Variants in SPOCK3 observed in about 807,000 individuals in gnomAD.
SPOCK3 encodes SPARC (osteonectin), cwcv and kazal like domains proteoglycan 3, also known as testican-3.
SPOCK3 carries 30 observed loss-of-function variants against 56.6 expected under a neutral mutation model. The observed-to-expected ratio is 0.53, with a 90% CI of 0.40 to 0.72. The LOEUF (loss-of-function observed/expected upper bound fraction) is 0.72. Among genes scored for constraint, SPOCK3 ranks in the 30% least tolerant of loss-of-function variants. The pLI, the probability that SPOCK3 is intolerant of heterozygous loss-of-function variation, is 0.00. For missense variants in SPOCK3, 527 were observed against 530.0 expected (o/e 0.99, Z 0.06); for synonymous variants, 196 against 183.3 (o/e 1.07, Z -0.56).
At chr4:167,233,292 T>A (rs1737373058) in intron 2 of SPOCK3, among the ~76,000 whole-genome samples, 1 of 152,220 alleles carries the variant, frequency 6.6e-6, no homozygotes, top group South Asian at 2.1e-4. Context: ...CAGGGGAGTC[T>A]ATGGTTTAAC....
At chr4:166,946,000 G>A (rs1741690235) in intron 4 of SPOCK3, among the ~76,000 whole-genome samples, 1 of 150,898 alleles carries the variant, frequency 6.6e-6, no homozygotes, top group Admixed American at 6.7e-5. Context: ...TGAGGTGTCT[G>A]CCCTAACCAC....
At chr4:167,234,766 C>G (rs933024043), upstream of SPOCK3, 1 of 156,860 alleles carries the variant, frequency 6.4e-6, no homozygotes, top group African/African-American at 2.4e-5. Flanking sequence ...GACGAGGTAG[C>G]TCCTAGCCTA....
At chr4:167,089,358 C>G (rs1418270555) in intron 2 of SPOCK3, among the ~76,000 whole-genome samples, 1 of 151,994 alleles carries the variant, frequency 6.6e-6, no homozygotes, top group Non-Finnish European at 1.5e-5. Context: ...TTCTATCTTA[C>G]TCTTTAAATT....
intron 2 of SPOCK3, among the ~76,000 whole-genome samples, chr4:167,149,091 A>G (rs1174052021): frequency 6.6e-6 from 1 of 152,160 alleles, no homozygotes; most frequent in Non-Finnish European, 1.5e-5. Flanking sequence ...AATTAAATCA[A>G]AAAGAACTCT....
At chr4:166,735,210 T>C in intron 10 of SPOCK3, 120 bp from the exon 11 acceptor site, 3 of 650,502 alleles carry the variant, frequency 4.6e-6, no homozygotes, top group South Asian at 4.5e-5. Context: ...TTCTATCTTA[T>C]TTATCAAAGA....
chr4:167,141,891 A>G lies in SPOCK3; in HGVS notation c.190-79354T>C, dbSNP rs533278275. Among the ~76,000 whole-genome samples the G allele has an allele frequency of 8.5e-5, 13 of 152,154 alleles. No homozygotes were observed. The East Asian group carries it at 2.5e-3, about 29-fold the overall frequency. The stretch of plus-strand genomic sequence containing the variant: ...GAAAACTCTAAGACAAAATATTGTA[A>G]TTAGAACAAAGAAAAAATCTAACTG... On this transcript the variant is annotated intron_variant, in intron 2 of 10. Coordinates refer to ENST00000357545, the MANE Select transcript of SPOCK3 (RefSeq NM_001040159.2).
At chr4:166,942,403 G>T (rs1214216122) in intron 4 of SPOCK3, among the ~76,000 whole-genome samples, 6 of 149,942 alleles carry the variant, frequency 4.0e-5, no homozygotes, top group Non-Finnish European at 7.4e-5. Flanking sequence ...TAGAGACGGG[G>T]TTTCATCGTG....
intron 2 of SPOCK3, among the ~76,000 whole-genome samples, chr4:167,155,284 TATTTTCTA>T (rs955351829): frequency 1.6e-4 from 24 of 151,938 alleles, no homozygotes; most frequent in Non-Finnish European, 2.8e-4. Flanking sequence ...GCCCAGCTAA[TATTTTCTA>T]TTTTTGTTAG....
At chr4:167,088,093 T>C (rs1481675429) in intron 2 of SPOCK3, among the ~76,000 whole-genome samples, 1 of 152,288 alleles carries the variant, frequency 6.6e-6, no homozygotes, top group East Asian at 1.9e-4. Flanking sequence ...GGCTCTTTTC[T>C]TAATTTTTCC....
intron 7 of SPOCK3, among the ~76,000 whole-genome samples, chr4:166,762,631 C>T (rs942027273): frequency 6.6e-6 from 1 of 151,996 alleles, no homozygotes; most frequent in African/African-American, 2.4e-5. Flanking sequence ...GAAGGAACTG[C>T]CCAGAGAAAC....
Position 166,734,960 on chromosome 4 carries a change from A to G in SPOCK3, c.1263T>C (p.Asp421=). Residue 421 remains aspartate (D), a synonymous_variant, in exon 11 of 11, where the codon GAT becomes GAC. Coordinates refer to ENST00000357545, the MANE Select transcript of SPOCK3 (RefSeq NM_001040159.2). ...EIEDDDEDEG[D]DDDGGDDHDV... ...CATGGTCATCACCACCATCATCATCATCCCCTTCATCTTCATCATCATCTT... is the reference window on the plus strand; with the variant it reads ...CATGGTCATCACCACCATCATCATCGTCCCCTTCATCTTCATCATCATCTT... The G allele has an allele frequency of 6.6e-7, 1 of 1,511,384 alleles. No individual in the cohort carries two copies. The highest frequency in any genetic ancestry group is 1.8e-4 in the Middle Eastern group (1 of 5,710). The allele number at this position is 1,511,384 out of a possible 1,614,324, so 93.6% of individuals were successfully genotyped here.
Position 167,217,651 on chromosome 4 carries a change from C to T in SPOCK3, c.189+16334G>A, listed in dbSNP as rs143795998. Among the ~76,000 whole-genome samples, 98 of 152,068 alleles carry T rather than the reference C, an allele frequency of 6.4e-4. 1 individual carries two copies. The East Asian group carries it at 0.017, about 27-fold the overall frequency. ...CCTAAAAAATATGCTACTGCAAATTCGTATAACATACAAAATTCTATTAAT... is the reference window on the plus strand; with the variant it reads ...CCTAAAAAATATGCTACTGCAAATTTGTATAACATACAAAATTCTATTAAT... On this transcript the variant is annotated intron_variant, in intron 2 of 10. Transcript: ENST00000357545.
intron 2 of SPOCK3, among the ~76,000 whole-genome samples, chr4:167,143,144 A>C (rs946787181): frequency 1.3e-5 from 2 of 152,054 alleles, no homozygotes; most frequent in African/African-American, 4.8e-5. Context: ...AACTGTGTGC[A>C]TACGCTACTC....
intron 2 of SPOCK3, among the ~76,000 whole-genome samples, chr4:167,065,391 G>T (rs1022509651): frequency 4.6e-5 from 7 of 151,830 alleles, no homozygotes; most frequent in Non-Finnish European, 1.0e-4. Flanking sequence ...TATTTAAAAA[G>T]AATATAATTT....
chr4:167,100,487 TCACACA>T (rs141060778), intron 2 of SPOCK3, among the ~76,000 whole-genome samples: 2 of 147,804 alleles, frequency 1.4e-5, no homozygotes, highest in South Asian at 2.1e-4. Flanking sequence ...TCTCTCTCTC[TCACACA>T]CACACACACA....
chr4:167,005,548 C>A (rs1749378870), intron 3 of SPOCK3, among the ~76,000 whole-genome samples: 2 of 151,522 alleles, frequency 1.3e-5, no homozygotes, highest in Admixed American at 6.6e-5. Context: ...CAACTTCTTG[C>A]CCATCGCCTT....
intron 4 of SPOCK3, among the ~76,000 whole-genome samples, chr4:166,950,483 A>G (rs1469469162): frequency 1.3e-5 from 2 of 151,764 alleles, no homozygotes; most frequent in Non-Finnish European, 2.9e-5. Context: ...CACATTAATA[A>G]TGGGAGACTT....
chr4:166,850,660 G>A (rs573655406), intron 6 of SPOCK3, among the ~76,000 whole-genome samples: 7 of 152,374 alleles, frequency 4.6e-5, no homozygotes, highest in African/African-American at 7.2e-5. Flanking sequence ...CTCGGGAAGC[G>A]CAAGGGGTCA....
intron 3 of SPOCK3, among the ~76,000 whole-genome samples, chr4:167,042,611 A>G (rs1313647370): frequency 2.0e-5 from 3 of 152,128 alleles, no homozygotes; most frequent in Non-Finnish European, 4.4e-5. Flanking sequence ...TGTGTGGAAG[A>G]AAAGAGAAAC....
Sources: allele counts gnomAD v4.1 joint callset (sites outside exome capture counted in the v4.1 genomes callset), GRCh38; gene constraint gnomAD v4.1.1; transcripts MANE v1.5; gene names NCBI Gene and HGNC (gene_info 2026-07-23, HGNC 2026-07-21).